The following UBE2R2 variants were observed in gnomAD, a reference collection of about 807,000 sequenced individuals.
The protein encoded by UBE2R2 is ubiquitin-conjugating enzyme E2 R2.
Under a neutral mutation model 27.8 loss-of-function variants are expected in UBE2R2, and 1 was observed. The observed-to-expected ratio is 0.04, with a 90% CI of 0.01 to 0.17. UBE2R2 has a LOEUF of 0.17. UBE2R2 is among the 10% of genes least tolerant of loss of function. The pLI, the probability that UBE2R2 is intolerant of heterozygous loss-of-function variation, is 1.00. For synonymous variants in UBE2R2, 106 were observed against 113.3 expected, an observed-to-expected ratio of 0.94 and a Z score of 0.41; for missense variants, 100 against 291.0, an observed-to-expected ratio of 0.34 and a Z score of 4.78.
upstream of UBE2R2, among the ~76,000 whole-genome samples, chr9:33,817,005 GGGA>G (rs1010395518): frequency 5.9e-5 from 9 of 152,076 alleles, no homozygotes; most frequent in South Asian, 2.1e-4. Flanking sequence ...GCGTGGAAAC[GGGA>G]GGAGGAGGAG....
chr9:33,917,577 T>C lies in UBE2R2; in HGVS notation c.*340T>C. 1 of 470,428 alleles carries C rather than the reference T, an allele frequency of 2.1e-6. No individual in the cohort carries two copies. The highest frequency in any genetic ancestry group is 3.7e-6 in the Non-Finnish European group (1 of 270,084). 29.1% of individuals were successfully genotyped at this position (470,428 alleles called of 1,614,324 possible). On this transcript the variant is annotated 3_prime_UTR_variant, in exon 5 of 5. Transcript: ENST00000263228. ...ACACGTTTGGTCTGTTTTTAGATTC[T>C]TGAAGAATTCAATAGTCTTTCAAGA...
intron 4 of UBE2R2, among the ~76,000 whole-genome samples, chr9:33,913,895 G>A (rs1822565513): frequency 6.6e-6 from 1 of 152,168 alleles, no homozygotes; most frequent in African/African-American, 2.4e-5. Flanking sequence ...CTAGGTGACT[G>A]ATGTGTACCA....
intron 1 of UBE2R2, among the ~76,000 whole-genome samples, chr9:33,884,391 C>T (rs1821810106): frequency 1.3e-5 from 2 of 150,890 alleles, no homozygotes; most frequent in Admixed American, 1.3e-4. Flanking sequence ...TCAAGTGATC[C>T]TCCCACCTCA....
chr9:33,870,381 G>A (rs1302671546), intron 1 of UBE2R2, among the ~76,000 whole-genome samples: 3 of 152,184 alleles, frequency 2.0e-5, no homozygotes, highest in Non-Finnish European at 4.4e-5. Context: ...GACCTCAGGT[G>A]ATCTGCCCAC....
chr9:33,902,182 C>T (rs987989216), intron 3 of UBE2R2, among the ~76,000 whole-genome samples: 15 of 151,996 alleles, frequency 9.9e-5, no homozygotes, highest in African/African-American at 3.4e-4. Flanking sequence ...CCAGAATGCT[C>T]AGATTATAGG....
chr9:33,897,157 C>T (rs1018739589), intron 2 of UBE2R2, among the ~76,000 whole-genome samples: 5 of 150,096 alleles, frequency 3.3e-5, no homozygotes, highest in Middle Eastern at 3.2e-3. Context: ...TTGCCTCAGC[C>T]TCCTGAGTAG....
chr9:33,815,573 C>T (rs765844631), upstream of UBE2R2, among the ~76,000 whole-genome samples: 9 of 152,208 alleles, frequency 5.9e-5, no homozygotes, highest in African/African-American at 2.2e-4. Context: ...GGTGAAATCC[C>T]GTCTCTACTA....
intron 1 of UBE2R2, among the ~76,000 whole-genome samples, chr9:33,853,567 G>C (rs1218406870): frequency 1.3e-5 from 2 of 151,848 alleles, no homozygotes. Flanking sequence ...TTACAGGTGT[G>C]AGCCACCGTG....
intron 1 of UBE2R2, among the ~76,000 whole-genome samples, chr9:33,831,908 G>A (rs1319371211): frequency 1.3e-5 from 2 of 150,966 alleles, no homozygotes; most frequent in African/African-American, 4.9e-5. Context: ...TGATCTGCCT[G>A]CTTCAGCCTC....
chr9:33,892,943 A>G (rs1822021562), intron 2 of UBE2R2, among the ~76,000 whole-genome samples: 1 of 152,146 alleles, frequency 6.6e-6, no homozygotes, highest in African/African-American at 2.4e-5. Context: ...GATGAAATTC[A>G]CATACATAAA....
intron 1 of UBE2R2, among the ~76,000 whole-genome samples, chr9:33,819,388 G>C (rs777846237): frequency 6.6e-6 from 1 of 152,140 alleles, no homozygotes; most frequent in African/African-American, 2.4e-5. Flanking sequence ...GAGTACCTAG[G>C]AAAAGCACGT....
intron 1 of UBE2R2, among the ~76,000 whole-genome samples, chr9:33,825,644 G>A (rs1173509917): frequency 6.6e-6 from 1 of 152,102 alleles, no homozygotes; most frequent in Non-Finnish European, 1.5e-5. Flanking sequence ...TTGGAGACAC[G>A]TGAGAGAAAG....
chr9:33,881,147 G>A (rs1256763782), intron 1 of UBE2R2, among the ~76,000 whole-genome samples: 3 of 152,026 alleles, frequency 2.0e-5, no homozygotes, highest in Non-Finnish European at 4.4e-5. Flanking sequence ...TGTCTTCTTT[G>A]TGAATTGATC....
chr9:33,912,423 G>A (rs1273073528), intron 4 of UBE2R2, among the ~76,000 whole-genome samples: 1 of 151,986 alleles, frequency 6.6e-6, no homozygotes, highest in Non-Finnish European at 1.5e-5. Context: ...TCAGGAGTTC[G>A]AGACCGGCTG....
At chr9:33,851,781 T>G (rs536528925) in intron 1 of UBE2R2, among the ~76,000 whole-genome samples, 1 of 152,194 alleles carries the variant, frequency 6.6e-6, no homozygotes, top group Non-Finnish European at 1.5e-5. Context: ...TATTCATTTA[T>G]TTATATCTCA....
chr9:33,827,230 G>C (rs994311223), intron 1 of UBE2R2, among the ~76,000 whole-genome samples: 16 of 152,224 alleles, frequency 1.1e-4, no homozygotes, highest in African/African-American at 3.9e-4. Flanking sequence ...AGGTTGAGTT[G>C]AGGTGGGAGG....
chr9:33,861,470 T>C (rs1359488496), intron 1 of UBE2R2, among the ~76,000 whole-genome samples: 1 of 151,884 alleles, frequency 6.6e-6, no homozygotes, highest in African/African-American at 2.4e-5. Context: ...CAGCTACTTA[T>C]GAGGCTGAGG....
chr9:33,837,370 A>G (rs953514628), intron 1 of UBE2R2, among the ~76,000 whole-genome samples: 3 of 148,152 alleles, frequency 2.0e-5, no homozygotes, highest in Non-Finnish European at 4.4e-5. Context: ...GATTACAGGT[A>G]TGAGCCACTG....
At chr9:33,815,639 G>A (rs1825737202), upstream of UBE2R2, among the ~76,000 whole-genome samples, 1 of 152,162 alleles carries the variant, frequency 6.6e-6, no homozygotes, top group African/African-American at 2.4e-5. Context: ...TGCTACTTGG[G>A]AGACTGAGGT....
Sources: allele counts gnomAD v4.1 joint callset (sites outside exome capture counted in the v4.1 genomes callset), GRCh38; gene constraint gnomAD v4.1.1; transcripts MANE v1.5; gene names NCBI Gene and HGNC (gene_info 2026-07-23, HGNC 2026-07-21).